ATP2B2: variants seen among roughly 807,000 people sequenced by gnomAD.
ATP2B2 encodes the protein ATPase plasma membrane Ca2+ transporting 2, also known as plasma membrane calcium-transporting ATPase 2.
A neutral mutation model predicts 120.0 loss-of-function variants in ATP2B2; 15 were observed. That is an observed-to-expected ratio of 0.12 (90% CI 0.08 to 0.19). The LOEUF is 0.19. Among genes scored for constraint, ATP2B2 ranks in the 10% least tolerant of loss-of-function variants. ATP2B2 has a pLI of 1.00. For synonymous variants in ATP2B2, 694 were observed against 700.3 expected, an observed-to-expected ratio of 0.99 and a Z score of 0.14; for missense variants, 1,045 against 1,719.8, an observed-to-expected ratio of 0.61 and a Z score of 6.94.
At chr3:10,470,474 C>T (rs1246125136) in intron 1 of ATP2B2, among the ~76,000 whole-genome samples, 2 of 152,116 alleles carry the variant, frequency 1.3e-5, no homozygotes, top group African/African-American at 2.4e-5. Context: ...GAGTTAAGTA[C>T]AGGACTGAGG....
rs1311113756 is a variant in ATP2B2 at position 10,325,580 on chromosome 3, A to G, written c.*3234T>C. On this transcript the variant is annotated 3_prime_UTR_variant, in exon 23 of 23. Coordinates refer to ENST00000360273, the MANE Select transcript of ATP2B2 (RefSeq NM_001001331.4). ...CATTTTAATTGGTCCAGTCTCAGAA[A>G]TAGGACTGCCTCTCTCTTGTCATCT... The G allele has an allele frequency of 6.6e-6, 1 of 152,212 alleles. No individual in the cohort carries two copies. The highest frequency in any genetic ancestry group is 1.5e-5 in the Non-Finnish European group (1 of 68,038). 9.4% of individuals were successfully genotyped at this position (152,212 alleles called of 1,614,324 possible).
chr3:10,424,091 G>T (rs1357842526), intron 2 of ATP2B2, among the ~76,000 whole-genome samples: 1 of 152,218 alleles, frequency 6.6e-6, no homozygotes, highest in Admixed American at 6.5e-5. Flanking sequence ...GCCCCACTCG[G>T]CTGGGGCTGC....
intron 2 of ATP2B2, among the ~76,000 whole-genome samples, chr3:10,567,439 T>C (rs1171056352): frequency 1.3e-5 from 2 of 152,162 alleles, no homozygotes; most frequent in Non-Finnish European, 2.9e-5. Context: ...TTGATGCTGA[T>C]AGGAATGCCA....
intron 12 of ATP2B2, among the ~76,000 whole-genome samples, chr3:10,371,036 CTG>C (rs1279726546): frequency 3.3e-5 from 5 of 152,188 alleles, no homozygotes; most frequent in African/African-American, 9.7e-5. Flanking sequence ...CAGTGGTAGA[CTG>C]TGAAAATGGC....
intron 1 of ATP2B2, among the ~76,000 whole-genome samples, chr3:10,492,494 A>G (rs73119484): frequency 0.015 from 2,311 of 152,168 alleles, 66 homozygotes; most frequent in African/African-American, 0.053. Context: ...CCCACCTCCA[A>G]TCTAGAGCCT....
At chr3:10,466,135 CTT>C (rs1470999504) in intron 1 of ATP2B2, among the ~76,000 whole-genome samples, 1 of 152,210 alleles carries the variant, frequency 6.6e-6, no homozygotes, top group Non-Finnish European at 1.5e-5. Flanking sequence ...AGTTCACTCT[CTT>C]TGTCCAGGAT....
intron 2 of ATP2B2, among the ~76,000 whole-genome samples, chr3:10,538,723 T>A (rs141810252): frequency 0.014 from 2,106 of 152,276 alleles, 20 homozygotes; most frequent in Middle Eastern, 0.02. Flanking sequence ...ATGGGACGTA[T>A]CTCAACATAA....
At chr3:10,409,592 C>A (rs1327490381) in intron 3 of ATP2B2, among the ~76,000 whole-genome samples, 1 of 152,082 alleles carries the variant, frequency 6.6e-6, no homozygotes, top group Admixed American at 6.5e-5. Context: ...TGTCTTTAAA[C>A]CCTCTATGGG....
In ATP2B2 at chr3:10,457,878, G is replaced by A. The variant is rs146017792; in HGVS notation, c.-319-8016C>T. 3.2e-3 allele frequency among the ~76,000 whole-genome samples: 487 copies of A among 152,204 alleles called. 3 individuals carry two copies. The highest frequency in any genetic ancestry group is 0.011 in the African/African-American group (448 of 41,526). On this transcript the variant is annotated intron_variant, in intron 1 of 22. Coordinates refer to ENST00000360273, the MANE Select transcript of ATP2B2 (RefSeq NM_001001331.4). ...ACAGGTGGCAGACGTAGGTCTAAGG[G>A]GCAGGCAGTGAGAGGGATCCAGGGC...
At chr3:10,581,806 G>A (rs1241361391) in intron 2 of ATP2B2, among the ~76,000 whole-genome samples, 2 of 152,176 alleles carry the variant, frequency 1.3e-5, no homozygotes, top group Admixed American at 1.3e-4. Context: ...TCTGTAAAAC[G>A]GGGAGCATCA....
At chr3:10,615,458 T>G (rs2069359531) in intron 2 of ATP2B2, among the ~76,000 whole-genome samples, 1 of 152,168 alleles carries the variant, frequency 6.6e-6, no homozygotes, top group South Asian at 2.1e-4. Context: ...AAGCAAGACA[T>G]TTGCAGAGAT....
intron 1 of ATP2B2, among the ~76,000 whole-genome samples, chr3:10,460,576 A>G (rs1349153925): frequency 6.6e-6 from 1 of 152,168 alleles, no homozygotes; most frequent in East Asian, 1.9e-4. Flanking sequence ...CTTTTCCATG[A>G]GTTCTGTGAG....
At chr3:10,482,424 C>G (rs535582780) in intron 1 of ATP2B2, among the ~76,000 whole-genome samples, 1 of 152,368 alleles carries the variant, frequency 6.6e-6, no homozygotes, top group African/African-American at 2.4e-5. Flanking sequence ...TGGGCCCCTG[C>G]TGCCTCAATT....
At chr3:10,647,849 G>A (rs578157789) in intron 1 of ATP2B2, among the ~76,000 whole-genome samples, 1 of 152,316 alleles carries the variant, frequency 6.6e-6, no homozygotes, top group East Asian at 1.9e-4. Flanking sequence ...CCAGAGAGGT[G>A]CACAAAAGAA....
intron 1 of ATP2B2, among the ~76,000 whole-genome samples, chr3:10,638,322 A>G (rs2125647732): frequency 6.6e-6 from 1 of 152,344 alleles, no homozygotes; most frequent in South Asian, 2.1e-4. Context: ...AATACATGCA[A>G]AAGTCAAATG....
chr3:10,466,926 C>T (rs1253390361), intron 1 of ATP2B2, among the ~76,000 whole-genome samples: 1 of 152,182 alleles, frequency 6.6e-6, no homozygotes, highest in African/African-American at 2.4e-5. Flanking sequence ...GCATGCGGCC[C>T]CACAGCTGGT....
intron 1 of ATP2B2, among the ~76,000 whole-genome samples, chr3:10,484,810 T>C (rs2065572774): frequency 6.6e-6 from 1 of 152,238 alleles, no homozygotes; most frequent in Admixed American, 6.5e-5. Flanking sequence ...AAGAATCCCC[T>C]GAAGGAGAAG....
At chr3:10,502,505 A>G (rs2066435396) in intron 1 of ATP2B2, among the ~76,000 whole-genome samples, 1 of 152,214 alleles carries the variant, frequency 6.6e-6, no homozygotes, top group African/African-American at 2.4e-5. Context: ...GCCTGAGAGC[A>G]CTTGCAAGAA....
chr3:10,618,185 G>A (rs2069447839), intron 2 of ATP2B2, among the ~76,000 whole-genome samples: 1 of 152,232 alleles, frequency 6.6e-6, no homozygotes, highest in African/African-American at 2.4e-5. Flanking sequence ...CAGATGGACT[G>A]GGTTCCAGTC....
Sources: gnomAD v4.1 joint callset for allele counts (sites outside exome capture counted in the v4.1 genomes callset) on GRCh38, gnomAD v4.1.1 for gene constraint, MANE v1.5 for transcripts, NCBI Gene and HGNC (gene_info 2026-07-23, HGNC 2026-07-21) for gene names.